EXD3: variants seen among roughly 807,000 people sequenced by gnomAD.
EXD3 encodes the protein exonuclease mut-7 homolog.
Under a neutral mutation model 98.0 loss-of-function variants are expected in EXD3, and 92 were observed. The observed-to-expected ratio is 0.94, with a 90% CI of 0.79 to 1.12. EXD3 has a LOEUF of 1.12. Among genes scored for constraint, EXD3 ranks in the 50% most tolerant of loss-of-function variants. The pLI, the probability that EXD3 is intolerant of heterozygous loss-of-function variation, is 0.00. For synonymous variants in EXD3, 569 were observed against 526.0 expected, an observed-to-expected ratio of 1.08 and a Z score of -1.12; for missense variants, 1,222 against 1,191.6, an observed-to-expected ratio of 1.03 and a Z score of -0.38.
At chr9:137,330,201 G>T (rs1832950449) in intron 17 of EXD3, among the ~76,000 whole-genome samples, 2 of 141,938 alleles carry the variant, frequency 1.4e-5, no homozygotes, top group African/African-American at 5.5e-5. Context: ...GACTACACAG[G>T]ACTACACAGG....
chr9:137,351,501 C>G lies in EXD3; in HGVS notation c.1201G>C (p.Glu401Gln). 2 of 1,595,034 alleles carry G rather than the reference C, an allele frequency of 1.3e-6. No individual in the cohort carries two copies. The highest frequency in any genetic ancestry group is 1.7e-4 in the Middle Eastern group (1 of 6,040). The stretch of plus-strand genomic sequence containing the variant: ...CCAGCAACAAACACAGGTGTCCACT[C>G]CACGTCTACACCAACCACTTGGTGG... Reference protein sequence around the residue: ...QCHQVVGVDVEWTPVFVAGGR... With the variant: ...QCHQVVGVDVQWTPVFVAGGR... The change falls in exon 13 of 22, where the codon GAG (glutamate) becomes CAG (glutamine). Residue 401 changes from glutamate (E) to glutamine (Q), a missense_variant. Physicochemically the swap from Glu to Gln is conservative, Grantham distance 29. Transcript: ENST00000340951.
At chr9:137,408,149 T>C (rs1588435611) in intron 1 of EXD3, among the ~76,000 whole-genome samples, 2 of 152,262 alleles carry the variant, frequency 1.3e-5, no homozygotes, top group East Asian at 3.9e-4. Flanking sequence ...GGTGTTTTAC[T>C]AAAACCCAAC....
At chr9:137,411,994 G>A (rs1384160815) in intron 1 of EXD3, among the ~76,000 whole-genome samples, 1 of 152,136 alleles carries the variant, frequency 6.6e-6, no homozygotes, top group African/African-American at 2.4e-5. Flanking sequence ...GCAAGAGAGT[G>A]GGCTGTGTGC....
At chr9:137,411,183 G>A (rs565118683) in intron 1 of EXD3, among the ~76,000 whole-genome samples, 2 of 152,212 alleles carry the variant, frequency 1.3e-5, no homozygotes, top group Non-Finnish European at 2.9e-5. Flanking sequence ...CCGTGAGATG[G>A]AGTAGATGAT....
intron 1 of EXD3, among the ~76,000 whole-genome samples, chr9:137,416,511 G>A (rs900141508): frequency 3.9e-5 from 6 of 151,922 alleles, no homozygotes; most frequent in African/African-American, 1.5e-4. Flanking sequence ...GCTGACCCCC[G>A]GGCAGGCGCC....
chr9:137,321,741 C>G (rs551564242), intron 19 of EXD3, among the ~76,000 whole-genome samples: 102 of 152,298 alleles, frequency 6.7e-4, no homozygotes, highest in African/African-American at 2.4e-3. Context: ...CGACCTGCTG[C>G]TCCAGGCGGA....
intron 2 of EXD3, chr9:137,392,220 G>C (rs904916693): frequency 6.6e-6 from 1 of 152,396 alleles, no homozygotes; most frequent in Admixed American, 6.5e-5. Flanking sequence ...CTTGGCCTCG[G>C]GGGAGGGAGA....
intron 1 of EXD3, among the ~76,000 whole-genome samples, chr9:137,420,077 G>A (rs993189969): frequency 1.5e-4 from 23 of 151,536 alleles, no homozygotes; most frequent in African/African-American, 4.4e-4. Flanking sequence ...GGTGAATGGC[G>A]TGAACCCGGG....
chr9:137,365,344 T>G (rs1447650317), intron 7 of EXD3: 4 of 152,518 alleles, frequency 2.6e-5, no homozygotes, highest in African/African-American at 9.7e-5. Context: ...CCTGGGGCTG[T>G]GTGGGGAATG....
rs181068723 is a variant in EXD3, at chr9:137,309,557, C to A, written c.2278+50G>T. On this transcript the variant is annotated intron_variant, in intron 20 of 21. Transcript: ENST00000340951. Reference sequence around the variant, plus strand: ...CCTCTCCCTGGCTACCTCAGTAGGTCGACCCATCCCAGGCCCCCCAGACCC... The same window carrying A: ...CCTCTCCCTGGCTACCTCAGTAGGTAGACCCATCCCAGGCCCCCCAGACCC... 8.9e-6 allele frequency: 13 copies of A among 1,468,790 alleles called. No homozygotes were observed. The African/African-American group carries it at 1.7e-4, about 19-fold the overall frequency. The allele number at this position is 1,468,790 out of a possible 1,614,324, so 91.0% of individuals were successfully genotyped here.
chr9:137,393,110 G>A lies in EXD3; in HGVS notation c.55+2193C>T, dbSNP rs189191720. ...CGGTGGGGGTGCCGTGTCTGTTCCA[G>A]GGAGGGCCATTAGTGTTCCAGGGGG... On this transcript the variant is annotated intron_variant, in intron 2 of 21. Coordinates refer to ENST00000340951, the MANE Select transcript of EXD3 (RefSeq NM_017820.5). The surrounding 1 kb of genome is among the most constrained non-coding windows in gnomAD (Gnocchi z 4.6). The A allele has an allele frequency of 9.6e-4, 673 of 698,394 alleles. 6 individuals are homozygous for A. The East Asian group carries it at 0.017, about 18-fold the overall frequency. 43.3% of individuals were successfully genotyped at this position (698,394 alleles called of 1,614,324 possible).
At chr9:137,374,615 AGT>A (rs1469586680) in intron 3 of EXD3, 14 of 985,242 alleles carry the variant, frequency 1.4e-5, no homozygotes, top group Non-Finnish European at 1.4e-5. Flanking sequence ...CACGCACATG[AGT>A]GTGTGAGGAG....
At chr9:137,328,684 A>G (rs1277454816) in intron 17 of EXD3, among the ~76,000 whole-genome samples, 2 of 70,304 alleles carry the variant, frequency 2.8e-5, no homozygotes, top group African/African-American at 1.4e-4. Flanking sequence ...ACACGGGGCT[A>G]CACGGGACTA....
At chr9:137,410,931 A>AC (rs1285943199) in intron 1 of EXD3, among the ~76,000 whole-genome samples, 7 of 150,236 alleles carry the variant, frequency 4.7e-5, no homozygotes, top group African/African-American at 1.5e-4. Context: ...AGCCTGGCAG[A>AC]CCCCCCAGGG....
chr9:137,373,878 C>G (rs943387597), intron 3 of EXD3, among the ~76,000 whole-genome samples: 1 of 152,248 alleles, frequency 6.6e-6, no homozygotes, highest in African/African-American at 2.4e-5. Flanking sequence ...GGGAGGCAAC[C>G]GTAGCCCGAG....
At chr9:137,383,806 G>T (rs1256880219) in intron 2 of EXD3, among the ~76,000 whole-genome samples, 2 of 152,274 alleles carry the variant, frequency 1.3e-5, no homozygotes, top group South Asian at 2.1e-4. Flanking sequence ...CCCTCTTTAG[G>T]TTTCGGTCCC....
At chr9:137,352,977 T>C in intron 10 of EXD3, 191 bp from the exon 11 acceptor site, 1 of 1,405,160 alleles carries the variant, frequency 7.1e-7, no homozygotes, top group Non-Finnish European at 9.2e-7. Flanking sequence ...CCAAAGCGGC[T>C]GAGATAGAGG....
chr9:137,352,116 G>A lies in EXD3; in HGVS notation c.1123C>T (p.Leu375Phe). The A allele has an allele frequency of 6.2e-7, 1 of 1,612,822 alleles. No homozygotes were observed. The highest frequency in any genetic ancestry group is 8.5e-7 in the Non-Finnish European group (1 of 1,179,742). The change falls in exon 12 of 22, where the codon CTC becomes TTC. Residue 375 changes from leucine to phenylalanine, a missense_variant. Physicochemically the swap from Leu to Phe is conservative, Grantham distance 22 (BLOSUM62 0). Coordinates refer to ENST00000340951, the MANE Select transcript of EXD3 (RefSeq NM_017820.5). ...GTCAGGTCTTCCCACGAGGCCAGGA[G>A]GTGGACGTTCTCCCTGGGGATGGGC... Reference protein sequence around the residue: ...QLPIPRENVHLLASWEDLTRH... With the variant: ...QLPIPRENVHFLASWEDLTRH...
At chr9:137,311,799 G>C (rs1831374795) in intron 19 of EXD3, among the ~76,000 whole-genome samples, 1 of 152,212 alleles carries the variant, frequency 6.6e-6, no homozygotes, top group South Asian at 2.1e-4. Flanking sequence ...CTGTCCATCT[G>C]TCCACTCCAG....
Sources: gnomAD v4.1 joint callset for allele counts (sites outside exome capture counted in the v4.1 genomes callset) on GRCh38, gnomAD v4.1.1 for gene constraint, Gnocchi (gnomAD v3.1) non-coding constraint, MANE v1.5 for transcripts, NCBI Gene and HGNC (gene_info 2026-07-23, HGNC 2026-07-21) for gene names.